The following DRD2 variants were observed in gnomAD, a reference collection of about 807,000 sequenced individuals.
DRD2 encodes dopamine receptor D2.
A neutral mutation model predicts 38.0 loss-of-function variants in DRD2; 8 were observed. The observed-to-expected ratio is 0.21, with a 90% CI of 0.12 to 0.38. The LOEUF (loss-of-function observed/expected upper bound fraction) is 0.38. Ranked by LOEUF, DRD2 falls within the 10% of genes least tolerant of loss-of-function variation. The pLI, the probability that DRD2 is intolerant of heterozygous loss-of-function variation, is 1.00. For missense variants in DRD2, 403 were observed against 607.7 expected, an observed-to-expected ratio of 0.66 and a Z score of 3.54; for synonymous variants, 230 against 238.6, an observed-to-expected ratio of 0.96 and a Z score of 0.33.
intron 1 of DRD2, among the ~76,000 whole-genome samples, chr11:113,430,714 T>C (rs892547283): frequency 3.9e-5 from 6 of 152,174 alleles, no homozygotes; most frequent in African/African-American, 1.4e-4. Context: ...GTGTTCATGG[T>C]AGCGGAGTGA....
At chr11:113,416,811 G>A in intron 4 of DRD2, 52 bp downstream of exon 4, 2 of 1,604,078 alleles carry the variant, frequency 1.2e-6, no homozygotes, top group South Asian at 1.1e-5. Flanking sequence ...CCCTTCGAGG[G>A]AGCAGGGGCC....
At chr11:113,460,416 G>A (rs1003618980) in intron 1 of DRD2, among the ~76,000 whole-genome samples, 2 of 152,256 alleles carry the variant, frequency 1.3e-5, no homozygotes, top group African/African-American at 4.8e-5. Context: ...AGCTGGACTG[G>A]CTGTGATCTT....
At chr11:113,416,823 AG>A in intron 4 of DRD2, 39 bp downstream of exon 4, 2 of 1,608,680 alleles carry the variant, frequency 1.2e-6, no homozygotes, top group Middle Eastern at 3.3e-4. Context: ...GCAGGGGCCC[AG>A]GGCCAGCTGA....
At chr11:113,435,958 G>T (rs1951031996) in intron 1 of DRD2, among the ~76,000 whole-genome samples, 1 of 152,166 alleles carries the variant, frequency 6.6e-6, no homozygotes, top group South Asian at 2.1e-4. Flanking sequence ...TTTATTAAAA[G>T]ACATTCCTGT....
At chr11:113,433,598 A>C (rs2138194748) in intron 1 of DRD2, among the ~76,000 whole-genome samples, 1 of 152,324 alleles carries the variant, frequency 6.6e-6, no homozygotes, top group South Asian at 2.1e-4. Context: ...GCGAGGCAGC[A>C]GAGCTCAGGG....
chr11:113,435,656 C>T (rs1268597856), intron 1 of DRD2, among the ~76,000 whole-genome samples: 1 of 148,670 alleles, frequency 6.7e-6, no homozygotes, highest in East Asian at 2.0e-4. Flanking sequence ...TTCCCTTCCT[C>T]CTCAATTTGC....
intron 1 of DRD2, among the ~76,000 whole-genome samples, chr11:113,445,811 G>A (rs2119877475): frequency 6.6e-6 from 1 of 152,242 alleles, no homozygotes; most frequent in East Asian, 1.9e-4. Flanking sequence ...CATTTCCCAG[G>A]AGACGGAAGC....
intron 1 of DRD2, among the ~76,000 whole-genome samples, chr11:113,459,898 A>T (rs559181094): frequency 6.6e-6 from 1 of 152,362 alleles, no homozygotes; most frequent in Non-Finnish European, 1.5e-5. Context: ...ATGTACCTCC[A>T]AAATATGTAC....
intron 7 of DRD2, 62 bp from the exon 8 acceptor site, chr11:113,410,982 C>T (rs1305637272): frequency 6.4e-7 from 1 of 1,551,812 alleles, no homozygotes; most frequent in Non-Finnish European, 8.8e-7. Flanking sequence ...TGGGAACACC[C>T]ACACCCAGTG....
intron 1 of DRD2, among the ~76,000 whole-genome samples, chr11:113,463,624 CTTA>C (rs71905157): frequency 0.26 from 38,834 of 151,940 alleles, 6,136 homozygotes; most frequent in South Asian, 0.38. Flanking sequence ...CTGCTGCTGT[CTTA>C]TTATGGTGTG....
intron 1 of DRD2, among the ~76,000 whole-genome samples, chr11:113,426,878 C>T (rs760123370): frequency 6.6e-6 from 1 of 152,196 alleles, no homozygotes; most frequent in Non-Finnish European, 1.5e-5. Context: ...AGCGGGAGGC[C>T]TGCATGTATG....
chr11:113,469,324 C>A (rs1471099307), intron 1 of DRD2, among the ~76,000 whole-genome samples: 1 of 152,196 alleles, frequency 6.6e-6, no homozygotes, highest in Admixed American at 6.5e-5. Context: ...TTATTTTATT[C>A]ATCCTTCTCC....
At chr11:113,416,417 G>T (rs1200836423) in intron 4 of DRD2, among the ~76,000 whole-genome samples, 1 of 152,188 alleles carries the variant, frequency 6.6e-6, no homozygotes, top group Non-Finnish European at 1.5e-5. Context: ...GCTCCAGGTG[G>T]CTAAGGCCTG....
At chr11:113,458,250 T>A (rs936191556) in intron 1 of DRD2, among the ~76,000 whole-genome samples, 1 of 152,278 alleles carries the variant, frequency 6.6e-6, no homozygotes, top group African/African-American at 2.4e-5. Context: ...AATTTTAAAA[T>A]GATTTTCTGC....
rs904850714 is a variant in DRD2, at chr11:113,410,357, ACTC to A, written c.*367_*369del. ...CCACGCCAAGCCCCACAAAGAGAAA[ACTC>A]AGCCTCTGGGCCCTGACTCAGGCTC... On this transcript the variant is annotated 3_prime_UTR_variant, in exon 8 of 8. Coordinates refer to ENST00000362072, the MANE Select transcript of DRD2 (RefSeq NM_000795.4). The A allele has an allele frequency of 2.3e-6, 1 of 436,138 alleles. No individual in the cohort carries two copies. Among genetic ancestry groups the A allele is most frequent in the African/African-American group, 2.0e-5 (1 of 49,860 alleles). The allele number at this position is 436,138 out of a possible 1,614,324, so 27.0% of individuals were successfully genotyped here. A position where few individuals can be genotyped will look rare whatever the true frequency, so the allele number is the denominator to read the frequency against.
intron 1 of DRD2, among the ~76,000 whole-genome samples, chr11:113,440,510 C>T (rs188128755): frequency 2.0e-5 from 3 of 152,310 alleles, no homozygotes; most frequent in East Asian, 1.9e-4. Context: ...AAAAAGGCTG[C>T]GCCTTTGGAT....
intron 1 of DRD2, among the ~76,000 whole-genome samples, chr11:113,459,462 A>G (rs1045467126): frequency 6.6e-6 from 1 of 152,204 alleles, no homozygotes; most frequent in Non-Finnish European, 1.5e-5. Flanking sequence ...AGTTAACTAT[A>G]CCTAAGCTGC....
intron 1 of DRD2, among the ~76,000 whole-genome samples, chr11:113,456,800 G>A (rs1951271881): frequency 6.6e-6 from 1 of 152,154 alleles, no homozygotes; most frequent in Non-Finnish European, 1.5e-5. Context: ...GTTTCAAGAC[G>A]AGAAAGTTCT....
intron 2 of DRD2, 73 bp from the exon 3 acceptor site, chr11:113,418,209 C>T (rs1252194431): frequency 2.5e-5 from 33 of 1,299,434 alleles, no homozygotes; most frequent in South Asian, 2.4e-5. Context: ...CCTGGTACTC[C>T]TGGAGCCGAT....
Sources: gnomAD v4.1 joint callset for allele counts (sites outside exome capture counted in the v4.1 genomes callset) on GRCh38, gnomAD v4.1.1 for gene constraint, MANE v1.5 for transcripts, NCBI Gene and HGNC (gene_info 2026-07-23, HGNC 2026-07-21) for gene names.